Variants in GOLT1A observed in about 807,000 individuals in gnomAD.
The protein encoded by GOLT1A is vesicle transport protein GOT1A.
GOLT1A carries 10 observed loss-of-function variants against 16.1 expected under a neutral mutation model. That is an observed-to-expected ratio of 0.62 (90% CI 0.38 to 1.05). GOLT1A has a LOEUF of 1.05. GOLT1A is among the 50% of genes least tolerant of loss of function. The pLI is 0.01. For synonymous variants in GOLT1A, 60 were observed against 67.9 expected (o/e 0.88, Z 0.57); for missense variants, 137 against 165.7 (o/e 0.83, Z 0.95).
chr1:204,201,618 G>C lies in GOLT1A; in HGVS notation c.296+15C>G, dbSNP rs758514503. 1.9e-6 allele frequency: 3 copies of C among 1,613,508 alleles called. No homozygotes were observed. Among genetic ancestry groups the C allele is most frequent in the Admixed American group, 3.3e-5 (2 of 59,966 alleles). The stretch of plus-strand genomic sequence containing the variant: ...TTTGGTGGGTCTGTCCAGGGTTATA[G>C]GGATTTGCACTCACTTAAAGAGGCT... On this transcript the variant is annotated intron_variant, in intron 3 of 4. Transcript: ENST00000308302.
chr1:204,213,244 A>C (rs182147856), intron 1 of GOLT1A, among the ~76,000 whole-genome samples: 13 of 152,336 alleles, frequency 8.5e-5, no homozygotes, highest in Admixed American at 7.8e-4. Flanking sequence ...CTCTATATCC[A>C]ACACAGTGCT....
intron 1 of GOLT1A, 53 bp downstream of exon 1, chr1:204,213,829 C>T (rs1269311177): frequency 1.3e-6 from 2 of 1,596,792 alleles, no homozygotes; most frequent in Non-Finnish European, 1.7e-6. Flanking sequence ...GAGAGCCAGC[C>T]GGCAGGGAGC....
chr1:204,199,211 A>G lies in GOLT1A; in HGVS notation c.344T>C (p.Ile115Thr). The G allele has an allele frequency of 6.2e-7, 1 of 1,601,220 alleles. No homozygotes were observed. The highest frequency in any genetic ancestry group is 8.5e-7 in the Non-Finnish European group (1 of 1,174,920). Residue 115 changes from isoleucine to threonine, a missense_variant, in exon 4 of 5, where the codon ATC (isoleucine) becomes ACC (threonine). By Grantham distance (89) the Ile-to-Thr change is moderately conservative. Transcript: ENST00000308302. ...AFGFLGNVCN[I>T]PFLGALFRRL... Reference sequence around the variant, plus strand: ...TCTGCTTACCGCACCCAGGAAGGGGATGTTGCAGACATTGCCCAGGAAGCC... The same window carrying G: ...TCTGCTTACCGCACCCAGGAAGGGGGTGTTGCAGACATTGCCCAGGAAGCC...
chr1:204,203,189 G>T (rs1658989684), intron 1 of GOLT1A, among the ~76,000 whole-genome samples: 1 of 152,166 alleles, frequency 6.6e-6, no homozygotes. Flanking sequence ...TGGCACCTGG[G>T]AACTGTGCTG....
Position 204,201,562 on chromosome 1 carries a change from C to T in GOLT1A, c.296+71G>A, listed in dbSNP as rs148417703. 5.0e-5 allele frequency: 74 copies of T among 1,482,236 alleles called. No individual in the cohort carries two copies. In the African/African-American group the frequency reaches 6.7e-4, roughly 13 times the overall value. 91.8% of individuals were successfully genotyped at this position (1,482,236 alleles called of 1,614,324 possible). On this transcript the variant is annotated intron_variant, in intron 3 of 4. Transcript: ENST00000308302. The stretch of plus-strand genomic sequence containing the variant: ...GGATAAAGTCCCAGCTTCTGCACTC[C>T]CTGCTGGGGTGATCTCAGCCACTCA...
intron 4 of GOLT1A, chr1:204,198,861 C>T (rs1458083796): frequency 2.1e-6 from 1 of 472,202 alleles, no homozygotes; most frequent in East Asian, 3.6e-5. Flanking sequence ...TTAGCCAGAT[C>T]CCCAGAAATC....
chr1:204,203,311 T>C (rs560913309), intron 1 of GOLT1A, among the ~76,000 whole-genome samples: 60 of 152,306 alleles, frequency 3.9e-4, no homozygotes, highest in African/African-American at 1.4e-3. Flanking sequence ...AGCCACATTA[T>C]CCACATCAGT....
chr1:204,213,797 G>T, intron 1 of GOLT1A, 85 bp downstream of exon 1: 1 of 1,487,724 alleles, frequency 6.7e-7, no homozygotes, highest in Non-Finnish European at 9.2e-7. Context: ...CGCTTGTAGT[G>T]ACAGAGAGCC....
intron 1 of GOLT1A, among the ~76,000 whole-genome samples, chr1:204,208,476 G>GTATATATATATA (rs1553234655): frequency 1.0e-4 from 4 of 39,940 alleles, no homozygotes; most frequent in Non-Finnish European, 2.4e-4. Flanking sequence ...GTGTGTGTGT[G>GTATATATATATA]TATATATATA....
chr1:204,209,782 C>G (rs1219902147), intron 1 of GOLT1A, among the ~76,000 whole-genome samples: 1 of 152,174 alleles, frequency 6.6e-6, no homozygotes, highest in Non-Finnish European at 1.5e-5. Flanking sequence ...TGGGCAGGCA[C>G]GGTGGTTTAC....
chr1:204,210,225 T>C (rs889256668), intron 1 of GOLT1A, among the ~76,000 whole-genome samples: 2 of 152,248 alleles, frequency 1.3e-5, no homozygotes, highest in East Asian at 1.9e-4. Context: ...CACTGCCGTG[T>C]TGAAACAGCC....
intron 1 of GOLT1A, among the ~76,000 whole-genome samples, chr1:204,208,502 A>ATATAT (rs1491494433): frequency 3.2e-4 from 20 of 62,066 alleles, no homozygotes; most frequent in African/African-American, 4.9e-4. Flanking sequence ...ATATATATAT[A>ATATAT]AAAAATGAAC....
At position 204,198,218 on chromosome 1, in the gene GOLT1A, A is replaced by G. The variant is rs1198687554; in HGVS notation, c.*240T>C. 3 of 524,402 alleles carry G rather than the reference A, an allele frequency of 5.7e-6. No individual in the cohort carries two copies. The highest frequency in any genetic ancestry group is 1.0e-5 in the Non-Finnish European group (3 of 297,508). 32.5% of individuals were successfully genotyped at this position (524,402 alleles called of 1,614,324 possible). On this transcript the variant is annotated 3_prime_UTR_variant, in exon 5 of 5. Coordinates refer to ENST00000308302, the MANE Select transcript of GOLT1A (RefSeq NM_198447.2). ...CTTTTCCTCCCATAAATATAGAGTG[A>G]GGGTGTGATACCAGCCCCAGCCCAG...
intron 1 of GOLT1A, among the ~76,000 whole-genome samples, chr1:204,212,007 T>C (rs997423052): frequency 6.6e-6 from 1 of 152,084 alleles, no homozygotes; most frequent in Non-Finnish European, 1.5e-5. Context: ...AAACCATGTA[T>C]ATGCAGATTA....
chr1:204,207,648 T>A (rs1024416064), intron 1 of GOLT1A, among the ~76,000 whole-genome samples: 1 of 152,240 alleles, frequency 6.6e-6, no homozygotes, highest in Non-Finnish European at 1.5e-5. Flanking sequence ...CCTTCTGGCC[T>A]CAGGCACGCA....
intron 1 of GOLT1A, among the ~76,000 whole-genome samples, chr1:204,203,647 C>T (rs1412934023): frequency 6.6e-6 from 1 of 152,236 alleles, no homozygotes. Context: ...AGACCCAAGC[C>T]TGCACCTGCT....
intron 3 of GOLT1A, among the ~76,000 whole-genome samples, chr1:204,200,580 G>A (rs1380143003): frequency 6.6e-6 from 1 of 151,420 alleles, no homozygotes; most frequent in Non-Finnish European, 1.5e-5. Flanking sequence ...CGCCTGCCTC[G>A]GCCTCCCAAA....
rs1322791052 is a variant in GOLT1A, at chr1:204,198,399, C to A, written c.*59G>T. 12 of 1,499,002 alleles carry A rather than the reference C, an allele frequency of 8.0e-6. No individual in the cohort carries two copies. The highest frequency in any genetic ancestry group is 1.1e-5 in the Non-Finnish European group (12 of 1,076,852). The allele number at this position is 1,499,002 out of a possible 1,614,324, so 92.9% of individuals were successfully genotyped here. A position where few individuals can be genotyped will look rare whatever the true frequency, so the allele number is the denominator to read the frequency against. The stretch of plus-strand genomic sequence containing the variant: ...TGCAGGGGACTGAGGGGGTGGTTCC[C>A]ATTCTCCCTCTAGCCCCCTCAACCA... On this transcript the variant is annotated 3_prime_UTR_variant, in exon 5 of 5. Transcript: ENST00000308302.
At chr1:204,205,601 T>C (rs1010501037) in intron 1 of GOLT1A, among the ~76,000 whole-genome samples, 1 of 152,196 alleles carries the variant, frequency 6.6e-6, no homozygotes, top group Non-Finnish European at 1.5e-5. Context: ...AACAAAATTA[T>C]CAAGACTAGA....
Sources: gnomAD v4.1 joint callset for allele counts (sites outside exome capture counted in the v4.1 genomes callset) on GRCh38, gnomAD v4.1.1 for gene constraint, MANE v1.5 for transcripts, NCBI Gene and HGNC (gene_info 2026-07-23, HGNC 2026-07-21) for gene names.